Variants in EPHA6 observed in about 807,000 individuals in gnomAD.
EPHA6 encodes ephrin type-A receptor 6.
EPHA6 carries 50 observed loss-of-function variants against 112.0 expected under a neutral mutation model. The ratio of observed to expected loss-of-function variants is 0.45; its 90% CI spans 0.36 to 0.56. The LOEUF (loss-of-function observed/expected upper bound fraction) is 0.56. Ranked by LOEUF, EPHA6 falls within the 20% of genes least tolerant of loss-of-function variation. The probability of loss-of-function intolerance (pLI) is 0.00; values close to 1 mark genes in which losing one functional copy is unlikely to be tolerated. For missense variants in EPHA6, 1,280 were observed against 1,417.4 expected, an observed-to-expected ratio of 0.90 and a Z score of 1.56; for synonymous variants, 529 against 490.7, an observed-to-expected ratio of 1.08 and a Z score of -1.03.
chr3:97,264,246 T>G (rs893629424), intron 5 of EPHA6, among the ~76,000 whole-genome samples: 2 of 152,238 alleles, frequency 1.3e-5, no homozygotes, highest in Non-Finnish European at 2.9e-5. Flanking sequence ...GCTACCAGCC[T>G]GGATCCCATG....
chr3:97,305,535 C>G (rs544859163), intron 5 of EPHA6, among the ~76,000 whole-genome samples: 1 of 152,030 alleles, frequency 6.6e-6, no homozygotes, highest in East Asian at 1.9e-4. Flanking sequence ...TACTATGCAG[C>G]CATAAAAAGG....
At chr3:96,946,744 C>T (rs1184439907) in intron 2 of EPHA6, among the ~76,000 whole-genome samples, 7 of 152,258 alleles carry the variant, frequency 4.6e-5, no homozygotes, top group African/African-American at 9.6e-5. Flanking sequence ...CTTGAGGAAT[C>T]GCCACACTGA....
At chr3:97,244,482 G>C in intron 5 of EPHA6, 195 bp downstream of exon 5, 1 of 564,248 alleles carries the variant, frequency 1.8e-6, no homozygotes, top group Non-Finnish European at 3.1e-6. Flanking sequence ...TCAGCAGTAT[G>C]AATAATAAGA....
intron 2 of EPHA6, among the ~76,000 whole-genome samples, chr3:96,926,645 T>C (rs1030610483): frequency 6.4e-4 from 98 of 152,344 alleles, no homozygotes; most frequent in Non-Finnish European, 2.6e-4. Context: ...ACAAAGGGGC[T>C]ACAGGCCCCA....
chr3:97,668,193 G>A (rs1342597381), intron 14 of EPHA6, among the ~76,000 whole-genome samples: 4 of 152,178 alleles, frequency 2.6e-5, no homozygotes, highest in African/African-American at 9.7e-5. Context: ...AGTATAATGA[G>A]AGCAAATCAG....
intron 1 of EPHA6, among the ~76,000 whole-genome samples, chr3:96,859,797 C>A (rs1223512903): frequency 6.6e-6 from 1 of 152,042 alleles, no homozygotes. Context: ...ATAAGTGGTA[C>A]AATTACTGAC....
intron 5 of EPHA6, among the ~76,000 whole-genome samples, chr3:97,283,311 C>T (rs532372694): frequency 6.6e-6 from 1 of 152,106 alleles, no homozygotes; most frequent in East Asian, 1.9e-4. Context: ...AAATTATTAT[C>T]TTGCATGCAG....
chr3:97,714,948 T>C (rs2034146733), intron 14 of EPHA6, among the ~76,000 whole-genome samples: 1 of 152,104 alleles, frequency 6.6e-6, no homozygotes, highest in Non-Finnish European at 1.5e-5. Flanking sequence ...CCATTAAGAG[T>C]TAAAAAATAA....
chr3:97,515,312 T>C (rs551066320), intron 10 of EPHA6, among the ~76,000 whole-genome samples: 6 of 152,324 alleles, frequency 3.9e-5, no homozygotes, highest in African/African-American at 1.4e-4. Context: ...AGCAATAACA[T>C]AAGCTGCCAG....
At position 97,479,328 on chromosome 3, in the gene EPHA6, G is replaced by A; in HGVS notation, c.2038G>A (p.Glu680Lys). ...GTACATAAAAGCCAAGATGAAGTCA[G>A]AAGAGAAGAGAAGAAACCACTTACA... ...QWYIKAKMKS[E>K]EKRRNHLQNG... The change falls in exon 9 of 18, where the codon GAA becomes AAA. Residue 680 changes from glutamate to lysine, a missense_variant. This residue lies in a region of EPHA6 where 878 missense variants were observed against 999.7 expected (regional missense o/e 0.88). Transcript: ENST00000389672. 6.2e-7 allele frequency: 1 copy of A among 1,603,650 alleles called. No individual in the cohort carries two copies. Among genetic ancestry groups the A allele is most frequent in the Non-Finnish European group, 8.5e-7 (1 of 1,176,396 alleles).
At chr3:97,340,786 G>C (rs908830353) in intron 5 of EPHA6, among the ~76,000 whole-genome samples, 28 of 152,136 alleles carry the variant, frequency 1.8e-4, no homozygotes, top group African/African-American at 5.1e-4. Context: ...AGCTAGCCCT[G>C]GTGTTGCTTC....
intron 10 of EPHA6, among the ~76,000 whole-genome samples, chr3:97,507,790 C>T (rs1320822634): frequency 2.7e-5 from 4 of 150,926 alleles, no homozygotes; most frequent in Non-Finnish European, 4.4e-5. Flanking sequence ...TCTGTCTGGT[C>T]CTGGGCTTTT....
intron 11 of EPHA6, among the ~76,000 whole-genome samples, chr3:97,570,681 A>G (rs1250971399): frequency 6.6e-6 from 1 of 152,108 alleles, no homozygotes; most frequent in African/African-American, 2.4e-5. Flanking sequence ...GTAAGCAGAG[A>G]TCACACCACT....
intron 14 of EPHA6, among the ~76,000 whole-genome samples, chr3:97,696,083 G>C (rs1317787954): frequency 6.6e-6 from 1 of 152,194 alleles, no homozygotes; most frequent in Non-Finnish European, 1.5e-5. Context: ...TCACAAGTCT[G>C]ACACCAAACT....
chr3:97,016,315 A>G (rs1034851169), intron 3 of EPHA6, among the ~76,000 whole-genome samples: 2 of 152,186 alleles, frequency 1.3e-5, no homozygotes, highest in South Asian at 2.1e-4. Flanking sequence ...AATTTTTGGC[A>G]ATGATTCAAA....
chr3:97,366,456 C>T (rs2084737920), intron 5 of EPHA6, among the ~76,000 whole-genome samples: 2 of 152,146 alleles, frequency 1.3e-5, no homozygotes, highest in African/African-American at 4.8e-5. Flanking sequence ...TTTAAAATTA[C>T]ATAATAGATT....
At chr3:96,997,502 T>A (rs999541297) in intron 3 of EPHA6, among the ~76,000 whole-genome samples, 1 of 151,938 alleles carries the variant, frequency 6.6e-6, no homozygotes, top group Non-Finnish European at 1.5e-5. Context: ...AATTTCAATA[T>A]TGCCGTGTCT....
intron 7 of EPHA6, among the ~76,000 whole-genome samples, chr3:97,461,433 T>C (rs2090886052): frequency 6.6e-6 from 1 of 152,144 alleles, no homozygotes; most frequent in African/African-American, 2.4e-5. Context: ...ACCTACTTTC[T>C]AAGGTTCCTG....
intron 3 of EPHA6, among the ~76,000 whole-genome samples, chr3:97,190,648 G>A (rs953049863): frequency 2.6e-5 from 4 of 151,866 alleles, no homozygotes; most frequent in Admixed American, 6.6e-5. Flanking sequence ...GCAATGTTTT[G>A]ATATATGTAT....
Sources: allele counts gnomAD v4.1 joint callset (sites outside exome capture counted in the v4.1 genomes callset), GRCh38; gene constraint gnomAD v4.1.1; regional missense constraint gnomAD v4.1.1; transcripts MANE v1.5; gene names NCBI Gene and HGNC (gene_info 2026-07-23, HGNC 2026-07-21).